The following CP variants were observed in gnomAD, a reference collection of about 807,000 sequenced individuals.
The protein encoded by CP is ceruloplasmin.
Under a neutral mutation model 122.4 loss-of-function variants are expected in CP, and 64 were observed. The observed-to-expected ratio is 0.52, with a 90% CI of 0.43 to 0.64. CP has a LOEUF of 0.64. Ranked by LOEUF, CP falls within the 30% of genes least tolerant of loss-of-function variation. CP has a pLI of 0.00. For missense variants in CP, 1,167 were observed against 1,284.4 expected, an observed-to-expected ratio of 0.91 and a Z score of 1.40; for synonymous variants, 440 against 436.4, an observed-to-expected ratio of 1.01 and a Z score of -0.10.
At chr3:149,208,778 G>A (rs1359463298) in intron 4 of CP, among the ~76,000 whole-genome samples, 1 of 152,122 alleles carries the variant, frequency 6.6e-6, no homozygotes, top group African/African-American at 2.4e-5. Context: ...GGCCCAGTGA[G>A]GGCAACATAG....
chr3:149,202,856 G>A lies in CP; in HGVS notation c.1209-615C>T, dbSNP rs546931685. On this transcript the variant is annotated intron_variant, in intron 6 of 18. Transcript: ENST00000264613. ...GATCTCCTGACCTCATGATCTGCCCGCCTCGGCCTCCCAAAGTGCTGGGAT... is the reference window on the plus strand; with the variant it reads ...GATCTCCTGACCTCATGATCTGCCCACCTCGGCCTCCCAAAGTGCTGGGAT... Among the ~76,000 whole-genome samples the A allele has an allele frequency of 8.3e-5, 12 of 144,928 alleles. No homozygotes were observed. The South Asian group carries it at 8.8e-4, about 11-fold the overall frequency.
At chr3:149,200,520 T>A (rs899072962) in intron 7 of CP, among the ~76,000 whole-genome samples, 1 of 152,160 alleles carries the variant, frequency 6.6e-6, no homozygotes, top group African/African-American at 2.4e-5. Context: ...TTTCTTTTTT[T>A]GAGATGGAGT....
chr3:149,211,482 T>C (rs572397314), intron 2 of CP, among the ~76,000 whole-genome samples: 1 of 152,334 alleles, frequency 6.6e-6, no homozygotes, highest in African/African-American at 2.4e-5. Context: ...AATACCACCT[T>C]TTTTACCATC....
chr3:149,219,405 G>A (rs959350243), intron 1 of CP, among the ~76,000 whole-genome samples: 7 of 152,160 alleles, frequency 4.6e-5, no homozygotes, highest in Non-Finnish European at 4.4e-5. Flanking sequence ...CAAGGGAGGG[G>A]GCCAGGTGGA....
At chr3:149,184,920 T>C (rs1477093251) in intron 12 of CP, among the ~76,000 whole-genome samples, 2 of 152,172 alleles carry the variant, frequency 1.3e-5, no homozygotes, top group South Asian at 2.1e-4. Context: ...TGCTCTGAAT[T>C]TGGGCATTAA....
At position 149,163,833 on chromosome 3, in the gene CP, A is replaced by G. The variant is rs2108173264; in HGVS notation, c.*14-958T>C. On this transcript the variant is annotated intron_variant, in intron 5 of 5. Transcript: ENST00000479771. ...TATTTTGTTTATGAGAAATTCTTTT[A>G]TGTTTTAGATAAATGCCTGTAGTCA... The G allele has an allele frequency of 7.1e-7, 1 of 1,406,654 alleles. No homozygotes were observed. The highest frequency in any genetic ancestry group is 1.0e-6 in the Non-Finnish European group (1 of 990,948). 87.1% of individuals were successfully genotyped at this position (1,406,654 alleles called of 1,614,324 possible).
intron 4 of CP, among the ~76,000 whole-genome samples, chr3:149,208,162 G>C (rs1035349763): frequency 3.9e-5 from 6 of 152,038 alleles, no homozygotes; most frequent in African/African-American, 1.4e-4. Flanking sequence ...AAAAAATGTA[G>C]AAGGGCAGCA....
chr3:149,212,441 C>T lies in CP; in HGVS notation c.394+10G>A. ...TAAGAGGAAATTCCAGCTACATGAGCTGAACTTACCCTCATGTTCCTTATA... is the reference window on the plus strand; with the variant it reads ...TAAGAGGAAATTCCAGCTACATGAGTTGAACTTACCCTCATGTTCCTTATA... On this transcript the variant is annotated intron_variant, in intron 2 of 18. Transcript: ENST00000264613. 6.2e-7 allele frequency: 1 copy of T among 1,613,684 alleles called. No individual in the cohort carries two copies. Among genetic ancestry groups the T allele is most frequent in the African/African-American group, 1.3e-5 (1 of 75,030 alleles).
At position 149,182,098 on chromosome 3, in the gene CP, T is replaced by C; in HGVS notation, c.2461A>G (p.Lys821Glu). 1 of 1,613,846 alleles carries C rather than the reference T, an allele frequency of 6.2e-7. No homozygotes were observed. The highest frequency in any genetic ancestry group is 8.5e-7 in the Non-Finnish European group (1 of 1,179,836). ...GTGGCCATGTTTTTAAAGATAATTT[T>C]GACTTTGTCTCCAACATCTGCATGA... ...QLHADVGDKV[K>E]IIFKNMATRP... The change falls in exon 14 of 19, where the codon AAA becomes GAA. Residue 821 changes from lysine (K) to glutamate (E), a missense_variant. Coordinates refer to ENST00000264613, the MANE Select transcript of CP (RefSeq NM_000096.4).
chr3:149,202,908 CTT>C (rs34145911), intron 6 of CP, among the ~76,000 whole-genome samples: 5 of 110,318 alleles, frequency 4.5e-5, no homozygotes, highest in Admixed American at 1.9e-4. Context: ...CATGCCTGGC[CTT>C]TTTTTTTTTT....
At chr3:149,164,757 T>C (rs1414544766) in intron 5 of CP, among the ~76,000 whole-genome samples, 4 of 152,228 alleles carry the variant, frequency 2.6e-5, no homozygotes, top group African/African-American at 9.6e-5. Context: ...CAGCCCCTCC[T>C]TGGGCAGTGC....
intron 4 of CP, among the ~76,000 whole-genome samples, chr3:149,208,663 C>A (rs907201811): frequency 6.6e-6 from 1 of 151,910 alleles, no homozygotes; most frequent in Admixed American, 6.6e-5. Flanking sequence ...TTACTAAGCT[C>A]ATTATTTTGT....
At chr3:149,169,247 G>A (rs909456944), downstream of CP, among the ~76,000 whole-genome samples, 2 of 152,104 alleles carry the variant, frequency 1.3e-5, no homozygotes, top group Admixed American at 6.6e-5. Flanking sequence ...CTTTAGGTTC[G>A]TTTCACAGAA....
chr3:149,199,169 T>A (rs1727122983), intron 8 of CP, among the ~76,000 whole-genome samples: 1 of 152,184 alleles, frequency 6.6e-6, no homozygotes, highest in Admixed American at 6.5e-5. Flanking sequence ...TTTTATATCA[T>A]TAAAATTATG....
intron 4 of CP, among the ~76,000 whole-genome samples, chr3:149,208,660 G>A (rs1175606905): frequency 2.0e-5 from 3 of 152,064 alleles, no homozygotes; most frequent in African/African-American, 4.8e-5. Flanking sequence ...ATCTTACTAA[G>A]CTCATTATTT....
rs60815739 is a variant in CP, at chr3:149,188,490, CAAAAAAAAAAAAAAAA to C, written c.1714-304_1714-289del. Among the ~76,000 whole-genome samples the C allele has an allele frequency of 7.4e-4, 34 of 46,102 alleles. 1 individual carries two copies. The highest frequency in any genetic ancestry group is 2.2e-3 in the South Asian group (1 of 448). 30.2% of individuals were successfully genotyped at this position (46,102 alleles called of 152,430 possible). On this transcript the variant is annotated intron_variant, in intron 9 of 18. Coordinates refer to ENST00000264613, the MANE Select transcript of CP (RefSeq NM_000096.4). Reference sequence around the variant, plus strand: ...CATTGTGCATACCAATTGAAGCCTCCAAAAAAAAAAAAAAAAAAAAAAAAAAAAAGTTAAAATAGGA... The same window carrying C: ...CATTGTGCATACCAATTGAAGCCTCCAAAAAAAAAAAAAGTTAAAATAGGA...
At chr3:149,204,010 A>G (rs1727527710) in intron 6 of CP, among the ~76,000 whole-genome samples, 1 of 152,208 alleles carries the variant, frequency 6.6e-6, no homozygotes, top group Admixed American at 6.5e-5. Context: ...CGCAGAGACT[A>G]GGGCAGGTGT....
chr3:149,204,746 G>A (rs1727588126), intron 6 of CP, among the ~76,000 whole-genome samples: 1 of 152,130 alleles, frequency 6.6e-6, no homozygotes, highest in Admixed American at 6.5e-5. Context: ...CTTGGAGCAG[G>A]GGAGTGGCAT....
intron 13 of CP, 25 bp from the exon 14 acceptor site, chr3:149,182,158 G>T (rs1251396230): frequency 6.2e-7 from 1 of 1,613,552 alleles, no homozygotes; most frequent in Admixed American, 1.7e-5. Flanking sequence ...GAGGAAGAGT[G>T]TCCAATCAGA....
Sources: allele counts gnomAD v4.1 joint callset (sites outside exome capture counted in the v4.1 genomes callset), GRCh38; gene constraint gnomAD v4.1.1; transcripts MANE v1.5; gene names NCBI Gene and HGNC (gene_info 2026-07-23, HGNC 2026-07-21).